Variants in IGF2BP2 observed in about 807,000 individuals in gnomAD.
The protein encoded by IGF2BP2 is insulin-like growth factor 2 mRNA-binding protein 2.
IGF2BP2 carries 17 observed loss-of-function variants against 75.8 expected under a neutral mutation model. That is an observed-to-expected ratio of 0.22 (90% CI 0.15 to 0.34). The LOEUF is 0.34. Among genes scored for constraint, IGF2BP2 ranks in the 10% least tolerant of loss-of-function variants. IGF2BP2 has a pLI of 1.00. For synonymous variants in IGF2BP2, 288 were observed against 295.6 expected (o/e 0.97, Z 0.26); for missense variants, 516 against 772.4 (o/e 0.67, Z 3.93).
At chr3:185,707,666 T>C (rs1011747975) in intron 2 of IGF2BP2, among the ~76,000 whole-genome samples, 4 of 152,118 alleles carry the variant, frequency 2.6e-5, no homozygotes, top group Admixed American at 2.6e-4. Context: ...ACTAAAAATC[T>C]ATATAATTAT....
chr3:185,716,879 G>A, intron 2 of IGF2BP2: 1 of 478,256 alleles, frequency 2.1e-6, no homozygotes, highest in Non-Finnish European at 4.1e-6. Flanking sequence ...GCTTGTTCGT[G>A]GAATTTATCA....
At chr3:185,823,853 G>A (rs1348488270) in intron 1 of IGF2BP2, among the ~76,000 whole-genome samples, 1 of 151,724 alleles carries the variant, frequency 6.6e-6, no homozygotes, top group Non-Finnish European at 1.5e-5. Flanking sequence ...GAGTTGGGGA[G>A]TGCGCGCGCG....
intron 2 of IGF2BP2, among the ~76,000 whole-genome samples, chr3:185,750,289 A>G (rs1730795459): frequency 6.6e-6 from 1 of 152,214 alleles, no homozygotes; most frequent in Admixed American, 6.5e-5. Context: ...CCTTCAGGAA[A>G]TGCCCCATTT....
At chr3:185,730,017 G>C (rs1472775281) in intron 2 of IGF2BP2, among the ~76,000 whole-genome samples, 1 of 152,162 alleles carries the variant, frequency 6.6e-6, no homozygotes, top group Non-Finnish European at 1.5e-5. Context: ...ATGTGTGCAG[G>C]TTTGTTACGT....
chr3:185,737,920 T>A (rs996474750), intron 2 of IGF2BP2, among the ~76,000 whole-genome samples: 1 of 152,228 alleles, frequency 6.6e-6, no homozygotes, highest in Non-Finnish European at 1.5e-5. Context: ...GAGTAGATTC[T>A]GAGAAACAGA....
At chr3:185,662,836 G>A (rs928437390) in intron 10 of IGF2BP2, among the ~76,000 whole-genome samples, 5 of 151,842 alleles carry the variant, frequency 3.3e-5, no homozygotes, top group African/African-American at 9.7e-5. Context: ...AGCCACTGCA[G>A]CTGGCTAATT....
intron 3 of IGF2BP2, among the ~76,000 whole-genome samples, chr3:185,697,529 A>G (rs1207586223): frequency 2.0e-5 from 3 of 152,144 alleles, no homozygotes; most frequent in Non-Finnish European, 4.4e-5. Context: ...TTAAATCACA[A>G]TAAGGCCACT....
intron 2 of IGF2BP2, among the ~76,000 whole-genome samples, chr3:185,800,045 T>C (rs373701281): frequency 6.6e-6 from 1 of 152,210 alleles, no homozygotes; most frequent in Non-Finnish European, 1.5e-5. Context: ...CCATCAATGA[T>C]AGACTGGATT....
Position 185,675,868 on chromosome 3 carries a change from A to C in IGF2BP2, c.858T>G (p.Val286=), listed in dbSNP as rs1453080945. Residue 286 remains valine (V), a synonymous_variant, in exon 8 of 16, where the codon GTT becomes GTG. Coordinates refer to ENST00000382199, the MANE Select transcript of IGF2BP2 (RefSeq NM_006548.6). ...PLKILAHNGL[V]GRLIGKEGRN... ...TGCCTTCTTTTCCAATCAGTCTTCC[A>C]ACCAAGCCATTGTGTGCCAAGATTT... The C allele has an allele frequency of 6.2e-7, 1 of 1,614,084 alleles. No individual in the cohort carries two copies. The highest frequency in any genetic ancestry group is 8.5e-7 in the Non-Finnish European group (1 of 1,179,986).
At chr3:185,766,085 G>T (rs375522330) in intron 2 of IGF2BP2, among the ~76,000 whole-genome samples, 88 of 152,210 alleles carry the variant, frequency 5.8e-4, no homozygotes, top group African/African-American at 2.1e-3. Context: ...GAACCCGATG[G>T]CTGGGTAGCA....
At chr3:185,648,201 A>C (rs1713932602) in intron 14 of IGF2BP2, among the ~76,000 whole-genome samples, 1 of 152,246 alleles carries the variant, frequency 6.6e-6, no homozygotes, top group South Asian at 2.1e-4. Flanking sequence ...TCACGCCTGT[A>C]ATCCCAGCAC....
intron 2 of IGF2BP2, among the ~76,000 whole-genome samples, chr3:185,755,222 CCCATCTCCACTGCT>C (rs1175884095): frequency 6.6e-6 from 1 of 152,206 alleles, no homozygotes; most frequent in Non-Finnish European, 1.5e-5. Flanking sequence ...GGCTGCAACC[CCCATCTCCACTGCT>C]CCAGCTCCAG....
intron 2 of IGF2BP2, chr3:185,717,018 G>A (rs571068941): frequency 2.9e-6 from 1 of 340,976 alleles, no homozygotes; most frequent in South Asian, 2.3e-5. Context: ...ACAGACAGCA[G>A]GAGTGGCTGC....
chr3:185,808,578 G>GTC (rs368893726), intron 2 of IGF2BP2, among the ~76,000 whole-genome samples: 1,683 of 150,122 alleles, frequency 0.011, 27 homozygotes, highest in African/African-American at 0.038. Context: ...CTGAGACAGG[G>GTC]TCTCTCTCTC....
At chr3:185,742,773 G>C (rs887914889) in intron 2 of IGF2BP2, among the ~76,000 whole-genome samples, 1 of 152,154 alleles carries the variant, frequency 6.6e-6, no homozygotes, top group Non-Finnish European at 1.5e-5. Flanking sequence ...TGATTTCAGT[G>C]ATAACAAGCT....
intron 2 of IGF2BP2, among the ~76,000 whole-genome samples, chr3:185,766,686 G>C (rs1193816498): frequency 6.6e-6 from 1 of 152,108 alleles, no homozygotes; most frequent in African/African-American, 2.4e-5. Context: ...GACAAACCTG[G>C]GTTGTGAAAA....
chr3:185,758,682 G>A (rs184631954), intron 2 of IGF2BP2, among the ~76,000 whole-genome samples: 3 of 152,342 alleles, frequency 2.0e-5, no homozygotes, highest in Non-Finnish European at 2.9e-5. Flanking sequence ...AGAAAAATAA[G>A]AGAGGGAGAC....
At chr3:185,733,254 A>G (rs1460405002) in intron 2 of IGF2BP2, among the ~76,000 whole-genome samples, 4 of 152,216 alleles carry the variant, frequency 2.6e-5, no homozygotes, top group Non-Finnish European at 5.9e-5. Flanking sequence ...TATTTTCTCA[A>G]TCCATTTCCG....
At chr3:185,816,685 A>G (rs890397940) in intron 2 of IGF2BP2, among the ~76,000 whole-genome samples, 5 of 152,236 alleles carry the variant, frequency 3.3e-5, no homozygotes, top group Non-Finnish European at 7.3e-5. Flanking sequence ...TCATCCAAAA[A>G]AAGAGATAGT....
Sources: gnomAD v4.1 joint callset for allele counts (sites outside exome capture counted in the v4.1 genomes callset) on GRCh38, gnomAD v4.1.1 for gene constraint, MANE v1.5 for transcripts, NCBI Gene and HGNC (gene_info 2026-07-23, HGNC 2026-07-21) for gene names.